CNKSR2: variants seen among roughly 807,000 people sequenced by gnomAD.
CNKSR2 encodes CNK homolog protein 2.
CNKSR2 carries 14 observed loss-of-function variants against 84.4 expected under a neutral mutation model. The observed-to-expected ratio is 0.17, with a 90% CI of 0.11 to 0.26. The LOEUF is 0.26. Among genes scored for constraint, CNKSR2 ranks in the 10% least tolerant of loss-of-function variants. The pLI, the probability that CNKSR2 is intolerant of heterozygous loss-of-function variation, is 1.00. For synonymous variants in CNKSR2, 275 were observed against 277.9 expected (o/e 0.99, Z 0.10); for missense variants, 485 against 771.2 (o/e 0.63, Z 4.40).
At chrX:21,381,759 A>G (rs2089902478) in intron 1 of CNKSR2, among the ~76,000 whole-genome samples, 1 of 111,578 alleles carries the variant, frequency 9.0e-6, no homozygotes. Flanking sequence ...GGACATTTGC[A>G]CTTAATATGT....
chrX:21,587,267 G>C (rs919729001), intron 13 of CNKSR2, among the ~76,000 whole-genome samples: 2 of 111,693 alleles, frequency 1.8e-5, no homozygotes, highest in Non-Finnish European at 3.8e-5. Flanking sequence ...TTATTCAAGA[G>C]GAAAGGATTT....
intron 11 of CNKSR2, among the ~76,000 whole-genome samples, chrX:21,548,814 C>CA (rs749645906): frequency 1.8e-5 from 2 of 112,211 alleles, no homozygotes; most frequent in African/African-American, 6.5e-5. Context: ...GAACCAATGA[C>CA]AAAAACCTCA....
chrX:21,648,754 A>C, intron 20 of CNKSR2, 77 bp from the exon 21 acceptor site: 8 of 842,675 alleles, frequency 9.5e-6, no homozygotes, highest in Non-Finnish European at 1.1e-5. Context: ...CTATATTGCA[A>C]TGAATTCATT....
rs375679180 is a variant in CNKSR2, at chrX:21,457,072, A to G, written c.520-13694A>G. Among the ~76,000 whole-genome samples the G allele has an allele frequency of 2.7e-5, 3 of 110,590 alleles. No individual in the cohort carries two copies. The East Asian group carries it at 8.6e-4, about 32-fold the overall frequency. On this transcript the variant is annotated intron_variant, in intron 4 of 21. Transcript: ENST00000379510. ...GTTTTTAATCAGGTTATTTGTTTCTATTTTTGCTGTTGAGTTGTGTGGGTT... is the reference window on the plus strand; with the variant it reads ...GTTTTTAATCAGGTTATTTGTTTCTGTTTTTGCTGTTGAGTTGTGTGGGTT...
chrX:21,437,059 T>A (rs1408402305), intron 3 of CNKSR2, among the ~76,000 whole-genome samples: 1 of 112,005 alleles, frequency 8.9e-6, no homozygotes, highest in Non-Finnish European at 1.9e-5. Flanking sequence ...TTCTTGAAAT[T>A]TAATCTTGAG....
intron 4 of CNKSR2, among the ~76,000 whole-genome samples, chrX:21,453,163 AAATAT>A (rs1192255440): frequency 8.9e-6 from 1 of 111,845 alleles, no homozygotes; most frequent in Non-Finnish European, 1.9e-5. Flanking sequence ...TCAAATTGAT[AAATAT>A]TAAGATATGG....
intron 3 of CNKSR2, 94 bp downstream of exon 3, chrX:21,432,908 G>A: frequency 2.3e-6 from 2 of 858,193 alleles, no homozygotes; most frequent in African/African-American, 2.0e-5. Flanking sequence ...GGATTGGACA[G>A]GCAGAGGAGT....
intron 9 of CNKSR2, among the ~76,000 whole-genome samples, chrX:21,524,887 G>A (rs1156859458): frequency 9.0e-6 from 1 of 111,249 alleles, no homozygotes; most frequent in Non-Finnish European, 1.9e-5. Context: ...TTTAAAGTCA[G>A]AAAGCTATTA....
chrX:21,415,838 A>G (rs2090413002), intron 1 of CNKSR2, among the ~76,000 whole-genome samples: 1 of 49,948 alleles, frequency 2.0e-5, no homozygotes, highest in African/African-American at 2.1e-4. Context: ...ATATATACAC[A>G]CACACACACA....
At chrX:21,396,710 T>A (rs1349701564) in intron 1 of CNKSR2, among the ~76,000 whole-genome samples, 3 of 111,916 alleles carry the variant, frequency 2.7e-5, no homozygotes, top group Non-Finnish European at 5.7e-5. Flanking sequence ...AGAACAAACT[T>A]TTAGAAATCT....
intron 9 of CNKSR2, among the ~76,000 whole-genome samples, chrX:21,525,219 A>G (rs180984910): frequency 7.2e-5 from 8 of 111,032 alleles, no homozygotes; most frequent in Middle Eastern, 4.7e-3. Flanking sequence ...GATTTATGGT[A>G]TTCATCAGTA....
At chrX:21,638,881 T>G (rs1483356406) in intron 20 of CNKSR2, among the ~76,000 whole-genome samples, 1 of 111,704 alleles carries the variant, frequency 9.0e-6, no homozygotes, top group African/African-American at 3.3e-5. Flanking sequence ...GGGGTCTCAC[T>G]ATGTTGCCCA....
At chrX:21,488,427 G>C (rs529511782) in intron 5 of CNKSR2, among the ~76,000 whole-genome samples, 2 of 111,652 alleles carry the variant, frequency 1.8e-5, no homozygotes, top group Middle Eastern at 9.1e-3. Flanking sequence ...AAAATAACTT[G>C]TTTATAGTCA....
chrX:21,484,289 T>TCAAAACAAAACAAAA (rs113032601), intron 5 of CNKSR2, among the ~76,000 whole-genome samples: 6 of 110,845 alleles, frequency 5.4e-5, no homozygotes, highest in African/African-American at 1.7e-4. Flanking sequence ...AGACTTCGTT[T>TCAAAACAAAACAAAA]CAAAACAAAA....
intron 8 of CNKSR2, among the ~76,000 whole-genome samples, chrX:21,508,764 G>A (rs1032020095): frequency 8.9e-6 from 1 of 112,014 alleles, no homozygotes; most frequent in African/African-American, 3.2e-5. Context: ...TACAAAGTCC[G>A]CAGTTAATAT....
At chrX:21,575,040 A>G (rs1331357566) in intron 13 of CNKSR2, among the ~76,000 whole-genome samples, 2 of 111,217 alleles carry the variant, frequency 1.8e-5, no homozygotes, top group Non-Finnish European at 3.8e-5. Flanking sequence ...GTAATCGTCT[A>G]TTGGTATACC....
chrX:21,439,930 T>C (rs2090761370), intron 3 of CNKSR2, among the ~76,000 whole-genome samples: 1 of 110,043 alleles, frequency 9.1e-6, no homozygotes, highest in Non-Finnish European at 1.9e-5. Flanking sequence ...GCAATCATTA[T>C]CCTGATATAC....
At chrX:21,563,892 G>A (rs764915256) in intron 13 of CNKSR2, among the ~76,000 whole-genome samples, 1 of 111,189 alleles carries the variant, frequency 9.0e-6, no homozygotes, top group South Asian at 3.8e-4. Flanking sequence ...ATTTTATGGG[G>A]AGAAAGACAT....
intron 4 of CNKSR2, among the ~76,000 whole-genome samples, chrX:21,448,598 C>T (rs1294228379): frequency 1.8e-5 from 2 of 111,670 alleles, no homozygotes; most frequent in Non-Finnish European, 3.8e-5. Flanking sequence ...TAGGTTGGTG[C>T]AAAAGTAATC....
Sources: gnomAD v4.1 joint callset for allele counts (sites outside exome capture counted in the v4.1 genomes callset) on GRCh38, gnomAD v4.1.1 for gene constraint, MANE v1.5 for transcripts, NCBI Gene and HGNC (gene_info 2026-07-23, HGNC 2026-07-21) for gene names.